PIEZO2: variants seen among roughly 807,000 people sequenced by gnomAD.
PIEZO2 encodes the protein piezo-type mechanosensitive ion channel component 2.
In PIEZO2, 172 loss-of-function variants were observed where a neutral mutation model predicts 337.3. That is an observed-to-expected ratio of 0.51 (90% CI 0.45 to 0.58). PIEZO2 has a LOEUF of 0.58. PIEZO2 is among the 20% of genes least tolerant of loss of function. The pLI, the probability that PIEZO2 is intolerant of heterozygous loss-of-function variation, is 0.00. For missense variants in PIEZO2, 3,028 were observed against 3,391.3 expected (o/e 0.89, Z 2.66); for synonymous variants, 1,251 against 1,228.5 (o/e 1.02, Z -0.38).
At chr18:10,977,541 T>C (rs264229) in intron 3 of PIEZO2, among the ~76,000 whole-genome samples, 59,572 of 151,878 alleles carry the variant, frequency 0.39, 12,747 homozygotes, top group Non-Finnish European at 0.49. Context: ...ACTAACATTA[T>C]TGTTGCTAAC....
chr18:10,728,973 AAC>A (rs1371119017), intron 36 of PIEZO2, among the ~76,000 whole-genome samples: 17 of 146,926 alleles, frequency 1.2e-4, no homozygotes, highest in African/African-American at 2.3e-4. Flanking sequence ...AAAAAAAAAA[AAC>A]AAAAACCAAT....
intron 2 of PIEZO2, among the ~76,000 whole-genome samples, chr18:10,981,706 C>A (rs988248089): frequency 6.6e-6 from 1 of 152,172 alleles, no homozygotes; most frequent in African/African-American, 2.4e-5. Context: ...CTGGGAGAGG[C>A]AGACCAACCA....
chr18:10,675,351 T>C, intron 53 of PIEZO2, 63 bp from the exon 54 acceptor site: 1 of 1,086,878 alleles, frequency 9.2e-7, no homozygotes, highest in South Asian at 1.8e-5. Flanking sequence ...TAAAATTGAT[T>C]TTTTGTTGTT....
At chr18:10,684,155 CTTTTTTTTTTTTTTTT>C (rs71169941) in intron 49 of PIEZO2, among the ~76,000 whole-genome samples, 3 of 61,438 alleles carry the variant, frequency 4.9e-5, no homozygotes, top group African/African-American at 1.3e-4. Context: ...TGTCTTTCCT[CTTTTTTTTTTTTTTTT>C]TTTTTTTTTT....
At chr18:11,000,914 G>A (rs763078809) in intron 2 of PIEZO2, among the ~76,000 whole-genome samples, 7 of 152,154 alleles carry the variant, frequency 4.6e-5, no homozygotes, top group Non-Finnish European at 1.0e-4. Flanking sequence ...GTCTAGAATT[G>A]AGGGAAAGGT....
chr18:10,865,509 C>T (rs2041982182), intron 5 of PIEZO2, among the ~76,000 whole-genome samples: 1 of 152,056 alleles, frequency 6.6e-6, no homozygotes, highest in African/African-American at 2.4e-5. Flanking sequence ...TGGTGACAGA[C>T]AAAGGCCCCA....
intron 2 of PIEZO2, among the ~76,000 whole-genome samples, chr18:10,985,518 G>A (rs1286714148): frequency 6.6e-6 from 1 of 152,008 alleles, no homozygotes; most frequent in Admixed American, 6.6e-5. Flanking sequence ...AATTTCTCAT[G>A]TCTGTATTCT....
intron 2 of PIEZO2, among the ~76,000 whole-genome samples, chr18:11,017,614 TG>T (rs1338567532): frequency 1.3e-5 from 2 of 152,138 alleles, no homozygotes; most frequent in African/African-American, 2.4e-5. Flanking sequence ...TCAGAGTTTA[TG>T]GGTGTTGTAC....
chr18:11,145,105 C>G (rs1258942489), intron 1 of PIEZO2, among the ~76,000 whole-genome samples: 1 of 152,038 alleles, frequency 6.6e-6, no homozygotes, highest in African/African-American at 2.4e-5. Flanking sequence ...AAGTCTTTAC[C>G]TTTTTGTGTA....
rs917231644 is a variant in PIEZO2 at position 10,707,996 on chromosome 18, T to A, written c.5588+279A>T. ...GCTTATGTCTCTGAAAATGGAAAGT[T>A]TGAAATACTGAAAACATGGAGGAGA... On this transcript the variant is annotated intron_variant, in intron 40 of 55. Coordinates refer to ENST00000674853, the MANE Select transcript of PIEZO2 (RefSeq NM_001378183.1). This position sits in a 1 kb window ranked among gnomAD's most constrained non-coding sequence, Gnocchi z 4.2. Among the ~76,000 whole-genome samples the A allele has an allele frequency of 1.3e-5, 2 of 152,152 alleles. No homozygotes were observed. Among genetic ancestry groups the A allele is most frequent in the African/African-American group, 4.8e-5 (2 of 41,430 alleles).
intron 42 of PIEZO2, among the ~76,000 whole-genome samples, chr18:10,703,191 C>T (rs1462208494): frequency 6.6e-6 from 1 of 152,144 alleles, no homozygotes; most frequent in Non-Finnish European, 1.5e-5. Flanking sequence ...CCCTTTTCCA[C>T]ATTCTTGGTA....
In PIEZO2 at chr18:10,734,975, A is replaced by G. The variant is rs189624420; in HGVS notation, c.4914+257T>C. 4.6e-5 allele frequency among the ~76,000 whole-genome samples: 7 copies of G among 152,346 alleles called. No homozygotes were observed. In the East Asian group the frequency reaches 1.3e-3, roughly 29 times the overall value. Reference sequence around the variant, plus strand: ...ACACCATGAGAAGGACAGCAAGTATATCTGTATCTGCATTTTCTCTTTCTA... The same window carrying G: ...ACACCATGAGAAGGACAGCAAGTATGTCTGTATCTGCATTTTCTCTTTCTA... On this transcript the variant is annotated intron_variant, in intron 35 of 55. Coordinates refer to ENST00000674853, the MANE Select transcript of PIEZO2 (RefSeq NM_001378183.1).
At chr18:10,787,334 G>T in intron 15 of PIEZO2, 150 bp from the exon 16 acceptor site, 1 of 895,038 alleles carries the variant, frequency 1.1e-6, no homozygotes, top group Non-Finnish European at 1.6e-6. Context: ...TTAATGTTCC[G>T]TGTCTATCAC....
chr18:10,904,870 A>G (rs1413022457), intron 4 of PIEZO2, among the ~76,000 whole-genome samples: 1 of 152,242 alleles, frequency 6.6e-6, no homozygotes, highest in Non-Finnish European at 1.5e-5. Flanking sequence ...AATAAATCCT[A>G]AAGCAAAGTG....
chr18:10,790,850 G>T (rs1568061416), intron 14 of PIEZO2, among the ~76,000 whole-genome samples: 1 of 151,964 alleles, frequency 6.6e-6, no homozygotes, highest in Non-Finnish European at 1.5e-5. Context: ...GACTACAGGC[G>T]CCCACCACTA....
At chr18:10,804,831 G>A (rs1043412721) in intron 8 of PIEZO2, among the ~76,000 whole-genome samples, 3 of 152,176 alleles carry the variant, frequency 2.0e-5, no homozygotes, top group African/African-American at 7.2e-5. Context: ...CTGGAACTAT[G>A]ATATAATCAG....
chr18:10,782,594 C>T (rs2039068042), intron 17 of PIEZO2, among the ~76,000 whole-genome samples: 1 of 146,382 alleles, frequency 6.8e-6, no homozygotes, highest in Non-Finnish European at 1.5e-5. Context: ...CTTCAGAGAA[C>T]TGGCATTACA....
In PIEZO2 at chr18:10,715,736, A is replaced by G; in HGVS notation, c.5170T>C (p.Trp1724Arg). 6.5e-7 allele frequency: 1 copy of G among 1,536,116 alleles called. No individual in the cohort carries two copies. Among genetic ancestry groups the G allele is most frequent in the Non-Finnish European group, 8.7e-7 (1 of 1,145,942 alleles). ...TGCTCCCTTGAAATGGAGTTAAGCCAAGTAGTGAAACTGTCCACTGTTGCC... is the reference window on the plus strand; with the variant it reads ...TGCTCCCTTGAAATGGAGTTAAGCCGAGTAGTGAAACTGTCCACTGTTGCC... ...FLATVDSFTT[W>R]LNSISREHID... The change falls in exon 38 of 56, where the codon TGG (tryptophan) becomes CGG (arginine). Residue 1724 changes from tryptophan to arginine, a missense_variant. Physicochemically the swap from Trp to Arg is moderately radical, Grantham distance 101. Around this residue, in one of 5 missense-constraint regions of PIEZO2, gnomAD observed 1,925 missense variants for 2,051.9 expected, o/e 0.94. Transcript: ENST00000674853.
intron 3 of PIEZO2, among the ~76,000 whole-genome samples, chr18:10,934,952 G>A (rs188679416): frequency 6.6e-6 from 1 of 152,174 alleles, no homozygotes; most frequent in African/African-American, 2.4e-5. Context: ...GCCACAGAGA[G>A]GTTAACTGAC....
Sources: gnomAD v4.1 joint callset for allele counts (sites outside exome capture counted in the v4.1 genomes callset) on GRCh38, gnomAD v4.1.1 for gene constraint, gnomAD v4.1.1 regional missense constraint, Gnocchi (gnomAD v3.1) non-coding constraint, MANE v1.5 for transcripts, NCBI Gene and HGNC (gene_info 2026-07-23, HGNC 2026-07-21) for gene names.